CDYL: variants seen among roughly 807,000 people sequenced by gnomAD.
The protein encoded by CDYL is chromodomain Y like.
Under a neutral mutation model 47.3 loss-of-function variants are expected in CDYL, and 8 were observed. That is an observed-to-expected ratio of 0.17 (90% CI 0.10 to 0.31). The LOEUF (loss-of-function observed/expected upper bound fraction) is 0.31. Among genes scored for constraint, CDYL ranks in the 10% least tolerant of loss-of-function variants. CDYL has a pLI of 1.00. For synonymous variants in CDYL, 266 were observed against 265.0 expected (o/e 1.00, Z -0.04); for missense variants, 471 against 701.4 (o/e 0.67, Z 3.71).
chr6:4,832,757 T>C (rs1406613681), intron 1 of CDYL, among the ~76,000 whole-genome samples: 1 of 147,192 alleles, frequency 6.8e-6, no homozygotes, highest in Non-Finnish European at 1.5e-5. Context: ...TTTCAGATCC[T>C]GTTATTGGTC....
intron 2 of CDYL, among the ~76,000 whole-genome samples, chr6:4,724,174 G>C (rs781523030): frequency 1.3e-5 from 2 of 151,964 alleles, no homozygotes; most frequent in African/African-American, 4.8e-5. Context: ...CGAAGTAGCT[G>C]GGACCACAGG....
chr6:4,823,534 T>G (rs1759897071), intron 1 of CDYL, among the ~76,000 whole-genome samples: 1 of 152,226 alleles, frequency 6.6e-6, no homozygotes, highest in Admixed American at 6.5e-5. Flanking sequence ...TCCCTGACGT[T>G]AATCACAATG....
At chr6:4,900,799 A>G (rs370878290) in intron 2 of CDYL, among the ~76,000 whole-genome samples, 9,354 of 71,418 alleles carry the variant, frequency 0.13, 2,118 homozygotes, top group Non-Finnish European at 0.15. Context: ...ATATATATAT[A>G]TATATATATA....
chr6:4,785,650 C>T (rs1758736020), intron 1 of CDYL, among the ~76,000 whole-genome samples: 1 of 152,132 alleles, frequency 6.6e-6, no homozygotes, highest in Non-Finnish European at 1.5e-5. Context: ...TATCTCAGAA[C>T]CAGGACAAAA....
intron 3 of CDYL, among the ~76,000 whole-genome samples, chr6:4,936,193 T>A (rs1284711630): frequency 6.6e-6 from 1 of 152,160 alleles, no homozygotes; most frequent in African/African-American, 2.4e-5. Flanking sequence ...CCCCCGGGGA[T>A]CCCAGTCCCT....
chr6:4,925,104 A>AGTGTGTTTTGT (rs1039587120), intron 2 of CDYL, among the ~76,000 whole-genome samples: 1 of 152,024 alleles, frequency 6.6e-6, no homozygotes, highest in African/African-American at 2.4e-5. Flanking sequence ...TGGCTGTTTG[A>AGTGTGTTTTGT]GTGTGTTTTG....
chr6:4,913,936 C>G (rs540967186), intron 2 of CDYL, among the ~76,000 whole-genome samples: 1 of 152,248 alleles, frequency 6.6e-6, no homozygotes, highest in Non-Finnish European at 1.5e-5. Context: ...TTACCTGTCT[C>G]CTCCTAACCT....
intron 3 of CDYL, among the ~76,000 whole-genome samples, chr6:4,750,058 G>T (rs1328622281): frequency 6.6e-6 from 1 of 152,080 alleles, no homozygotes; most frequent in South Asian, 2.1e-4. Context: ...AACTGTAAAG[G>T]CCAGGCATGG....
chr6:4,858,318 T>G (rs1433584133), intron 1 of CDYL, among the ~76,000 whole-genome samples: 1 of 152,230 alleles, frequency 6.6e-6, no homozygotes, highest in East Asian at 1.9e-4. Context: ...TTGATTTGAT[T>G]ATTCTTCTAG....
Position 4,892,258 on chromosome 6 carries a change from A to G in CDYL, c.570A>G (p.Leu190=), listed in dbSNP as rs140679987. The change falls in exon 2 of 7, where the codon TTA becomes TTG. Residue 190 remains leucine (L), a synonymous_variant. Coordinates refer to ENST00000397588, the MANE Select transcript of CDYL (RefSeq NM_004824.4). ...CAGCGGAAAAGCCGGTCGGAGCTTTATTGGGCCCCGGTGCCGAGAGGGCCA... is the reference window on the plus strand; with the variant it reads ...CAGCGGAAAAGCCGGTCGGAGCTTTGTTGGGCCCCGGTGCCGAGAGGGCCA... ...EVAAEKPVGA[L]LGPGAERARM... is the part of the protein sequence containing the mutation. The G allele has an allele frequency of 7.4e-6, 12 of 1,614,074 alleles. No individual in the cohort carries two copies. The highest frequency in any genetic ancestry group is 5.5e-5 in the South Asian group (5 of 91,084).
intron 1 of CDYL, among the ~76,000 whole-genome samples, chr6:4,815,253 T>C (rs1759639323): frequency 6.6e-6 from 1 of 152,244 alleles, no homozygotes; most frequent in African/African-American, 2.4e-5. Context: ...ATATATCGTG[T>C]ATCACATAAA....
intron 1 of CDYL, among the ~76,000 whole-genome samples, chr6:4,861,790 A>G (rs1193561302): frequency 6.6e-6 from 1 of 152,206 alleles, no homozygotes; most frequent in African/African-American, 2.4e-5. Flanking sequence ...TGCTTGATAC[A>G]GAGTGACTTC....
intron 2 of CDYL, among the ~76,000 whole-genome samples, chr6:4,900,877 T>C (rs1757031184): frequency 7.2e-6 from 1 of 138,476 alleles, no homozygotes; most frequent in Non-Finnish European, 1.5e-5. Context: ...AATGTGAACA[T>C]TTCGTGAATG....
rs1427118219 is a variant in CDYL, at chr6:4,845,842, A to G, written c.25-45871A>G. 4.6e-5 allele frequency among the ~76,000 whole-genome samples: 7 copies of G among 152,318 alleles called. No individual in the cohort carries two copies. The East Asian group carries it at 1.2e-3, about 25-fold the overall frequency. ...TGCAGGCCATGCCGAAACAGGTGGC[A>G]GGGTGGATTTGGCCCGCAGACCAAT... On this transcript the variant is annotated intron_variant, in intron 1 of 6. Coordinates refer to ENST00000397588, the MANE Select transcript of CDYL (RefSeq NM_004824.4).
intron 3 of CDYL, among the ~76,000 whole-genome samples, chr6:4,737,388 C>T (rs1757722170): frequency 6.6e-6 from 1 of 152,070 alleles, no homozygotes; most frequent in Admixed American, 6.5e-5. Context: ...CGCAGTGGCT[C>T]ACGCCTGTAA....
intron 3 of CDYL, among the ~76,000 whole-genome samples, chr6:4,752,558 T>C (rs575820318): frequency 6.6e-6 from 1 of 152,254 alleles, no homozygotes; most frequent in South Asian, 2.1e-4. Context: ...CACAAACGAT[T>C]ACCCTGCCTC....
At chr6:4,834,011 T>C in intron 1 of CDYL, among the ~76,000 whole-genome samples, 1 of 151,388 alleles carries the variant, frequency 6.6e-6, no homozygotes, top group East Asian at 1.9e-4. Context: ...CACTGATGGG[T>C]CTTGACTCTT....
chr6:4,890,222 C>T, intron 1 of CDYL: 1 of 918,600 alleles, frequency 1.1e-6, no homozygotes, highest in Non-Finnish European at 1.3e-6. Context: ...TAAACTATTT[C>T]TGCAAAAACG....
chr6:4,724,215 A>T (rs990518387), intron 2 of CDYL, among the ~76,000 whole-genome samples: 4 of 146,488 alleles, frequency 2.7e-5, no homozygotes, highest in Admixed American at 1.4e-4. Flanking sequence ...TAATTTTTGT[A>T]TTTTTTTTTT....
Sources: gnomAD v4.1 joint callset for allele counts (sites outside exome capture counted in the v4.1 genomes callset) on GRCh38, gnomAD v4.1.1 for gene constraint, MANE v1.5 for transcripts, NCBI Gene and HGNC (gene_info 2026-07-23, HGNC 2026-07-21) for gene names.